Variants in HCN1 observed in about 807,000 individuals in gnomAD.
HCN1 encodes the protein hyperpolarization activated cyclic nucleotide gated potassium channel 1.
In HCN1, 13 loss-of-function variants were observed where a neutral mutation model predicts 78.9. That is an observed-to-expected ratio of 0.16 (90% CI 0.11 to 0.26). HCN1 has a LOEUF of 0.26. HCN1 is among the 10% of genes least tolerant of loss of function. HCN1 has a pLI of 1.00. For synonymous variants in HCN1, 552 were observed against 455.5 expected (o/e 1.21, Z -2.70); for missense variants, 810 against 1,154.3 (o/e 0.70, Z 4.32).
chr5:45,572,749 T>C (rs1311989605), intron 2 of HCN1, among the ~76,000 whole-genome samples: 1 of 152,202 alleles, frequency 6.6e-6, no homozygotes, highest in Non-Finnish European at 1.5e-5. Flanking sequence ...TGTGAGCACG[T>C]ACTGGCACCA....
At chr5:45,294,290 T>C (rs535255319) in intron 6 of HCN1, among the ~76,000 whole-genome samples, 140 of 152,170 alleles carry the variant, frequency 9.2e-4, no homozygotes, top group Non-Finnish European at 1.7e-3. Flanking sequence ...TCTGCCCAAA[T>C]GTATTTTGGT....
chr5:45,526,627 G>T (rs555081814), intron 2 of HCN1, among the ~76,000 whole-genome samples: 1 of 152,110 alleles, frequency 6.6e-6, no homozygotes, highest in South Asian at 2.1e-4. Context: ...CTTTTTTCTA[G>T]AGATATCACT....
At chr5:45,318,103 A>C (rs1453349647) in intron 5 of HCN1, among the ~76,000 whole-genome samples, 1 of 151,982 alleles carries the variant, frequency 6.6e-6, no homozygotes, top group Non-Finnish European at 1.5e-5. Flanking sequence ...CAGCTATAAA[A>C]ACACACGCAC....
intron 4 of HCN1, 102 bp from the exon 5 acceptor site, chr5:45,353,348 T>A: frequency 2.3e-6 from 2 of 873,700 alleles, no homozygotes; most frequent in Non-Finnish European, 1.8e-6. Flanking sequence ...GAATACTCAG[T>A]TACAAAAAAA....
intron 5 of HCN1, among the ~76,000 whole-genome samples, chr5:45,331,303 A>G (rs1232794624): frequency 6.6e-6 from 1 of 151,214 alleles, no homozygotes; most frequent in Non-Finnish European, 1.5e-5. Context: ...ACTTATCATA[A>G]AGCATAATTT....
intron 2 of HCN1, among the ~76,000 whole-genome samples, chr5:45,583,996 G>A (rs1428150068): frequency 6.6e-6 from 1 of 152,204 alleles, no homozygotes; most frequent in Non-Finnish European, 1.5e-5. Flanking sequence ...TAAAAAGAAT[G>A]TATATTCTGT....
At chr5:45,453,296 AAT>A (rs1220758135) in intron 3 of HCN1, among the ~76,000 whole-genome samples, 1 of 152,094 alleles carries the variant, frequency 6.6e-6, no homozygotes, top group Non-Finnish European at 1.5e-5. Context: ...GATTGAAGAC[AAT>A]GTTACTATTT....
chr5:45,284,808 A>G (rs909141878), intron 6 of HCN1, among the ~76,000 whole-genome samples: 4 of 152,096 alleles, frequency 2.6e-5, no homozygotes, highest in Non-Finnish European at 5.9e-5. Flanking sequence ...TCTGAGAACC[A>G]TTTGAAGTCA....
chr5:45,645,661 C>T, intron 1 of HCN1, 53 bp from the exon 2 acceptor site: 2 of 1,160,142 alleles, frequency 1.7e-6, no homozygotes, highest in Non-Finnish European at 2.5e-6. Context: ...ACCAGCCTAT[C>T]CCCCCCATGA....
chr5:45,367,311 A>T (rs913743329), intron 4 of HCN1, among the ~76,000 whole-genome samples: 12 of 151,868 alleles, frequency 7.9e-5, no homozygotes, highest in Admixed American at 2.6e-4. Context: ...ATATTGGTGA[A>T]TATCAATGAT....
intron 4 of HCN1, among the ~76,000 whole-genome samples, chr5:45,372,180 A>AT (rs1446726587): frequency 2.1e-4 from 13 of 61,864 alleles, no homozygotes; most frequent in South Asian, 5.1e-4. Context: ...ATTATATTAT[A>AT]ATATAATACA....
At chr5:45,348,149 A>C (rs1480171052) in intron 5 of HCN1, among the ~76,000 whole-genome samples, 6 of 152,246 alleles carry the variant, frequency 3.9e-5, no homozygotes, top group Admixed American at 2.0e-4. Flanking sequence ...GAAGCCCATC[A>C]GACTAACAGC....
Position 45,260,075 on chromosome 5 carries a change from T to A in HCN1, c.*1846A>T, listed in dbSNP as rs1183897276. 1 of 152,324 alleles carries A rather than the reference T, an allele frequency of 6.6e-6. No individual in the cohort carries two copies. Among genetic ancestry groups the A allele is most frequent in the Non-Finnish European group, 1.5e-5 (1 of 68,022 alleles). 9.4% of individuals were successfully genotyped at this position (152,324 alleles called of 1,614,324 possible). ...TAACAACTCATTTTGGTATTATAGG[T>A]ATTATATCCACAAAAGGCATAACAG... On this transcript the variant is annotated 3_prime_UTR_variant, in exon 8 of 8. Coordinates refer to ENST00000303230, the MANE Select transcript of HCN1 (RefSeq NM_021072.4).
intron 1 of HCN1, among the ~76,000 whole-genome samples, chr5:45,659,092 C>A (rs947497752): frequency 1.3e-5 from 2 of 152,130 alleles, no homozygotes; most frequent in African/African-American, 2.4e-5. Context: ...TCTCCCAGCA[C>A]GCAGCTAGAG....
intron 3 of HCN1, among the ~76,000 whole-genome samples, chr5:45,414,497 A>G (rs532445860): frequency 4.6e-5 from 7 of 152,146 alleles, no homozygotes; most frequent in Admixed American, 3.9e-4. Flanking sequence ...TATGCTGCTG[A>G]TAAAACATGT....
At chr5:45,460,561 AG>A (rs1366769636) in intron 3 of HCN1, among the ~76,000 whole-genome samples, 3 of 152,124 alleles carry the variant, frequency 2.0e-5, no homozygotes, top group Non-Finnish European at 4.4e-5. Flanking sequence ...AACAAATAAA[AG>A]TGTATATACA....
chr5:45,536,621 T>C (rs1408142872), intron 2 of HCN1, among the ~76,000 whole-genome samples: 4 of 152,180 alleles, frequency 2.6e-5, no homozygotes, highest in African/African-American at 9.7e-5. Context: ...GTCACTTCTC[T>C]AACATTCTTG....
At chr5:45,608,658 C>T (rs1294507999) in intron 2 of HCN1, among the ~76,000 whole-genome samples, 1 of 151,818 alleles carries the variant, frequency 6.6e-6, no homozygotes, top group Non-Finnish European at 1.5e-5. Context: ...TGGAAAATGA[C>T]ATAACCCATC....
At chr5:45,271,324 T>C (rs1404014391) in intron 6 of HCN1, among the ~76,000 whole-genome samples, 1 of 151,640 alleles carries the variant, frequency 6.6e-6, no homozygotes, top group Non-Finnish European at 1.5e-5. Context: ...GGGCATTGTC[T>C]ACAGCAGTAA....
Sources: allele counts gnomAD v4.1 joint callset (sites outside exome capture counted in the v4.1 genomes callset), GRCh38; gene constraint gnomAD v4.1.1; transcripts MANE v1.5; gene names NCBI Gene and HGNC (gene_info 2026-07-23, HGNC 2026-07-21).